The following LSM12 variants were observed in gnomAD, a reference collection of about 807,000 sequenced individuals.
The protein encoded by LSM12 is protein LSM12.
For synonymous variants in LSM12, 74 were observed against 87.3 expected (o/e 0.85, Z 0.85); for missense variants, 108 against 238.9 (o/e 0.45, Z 3.61).
At chr17:44,066,691 G>T, upstream of LSM12, 1 of 1,229,572 alleles carries the variant, frequency 8.1e-7, no homozygotes, top group Non-Finnish European at 1.0e-6. Flanking sequence ...GCGTGCTTGC[G>T]TCACACGCCG....
At position 44,036,286 on chromosome 17, in the gene LSM12, A is replaced by G; in HGVS notation, c.510T>C (p.Phe170=). 1 of 1,614,000 alleles carries G rather than the reference A, an allele frequency of 6.2e-7. No individual in the cohort carries two copies. Residue 170 remains phenylalanine (F), a synonymous_variant, in exon 5 of 5, where the codon TTT becomes TTC. Coordinates refer to ENST00000293406, the MANE Select transcript of LSM12 (RefSeq NM_001371445.1). ...GTATCTTTTGGCTTTCCACGTCTCT[A>G]AAATGTTTTTCAACCTGAAAAAGAC... ...SHVRKIVEKH[F]RDVESQKILQ...
At chr17:44,049,927 C>G (rs532991886) in intron 2 of LSM12, among the ~76,000 whole-genome samples, 2 of 152,254 alleles carry the variant, frequency 1.3e-5, no homozygotes, top group South Asian at 2.1e-4. Context: ...GCTGCCCTCA[C>G]AGAGGGCTTA....
At chr17:44,053,688 C>A (rs548658705) in intron 2 of LSM12, among the ~76,000 whole-genome samples, 1 of 152,174 alleles carries the variant, frequency 6.6e-6, no homozygotes, top group Non-Finnish European at 1.5e-5. Context: ...TGGAAAAACA[C>A]TGCTGTTCTT....
At chr17:44,066,754 G>T, upstream of LSM12, 1 of 867,022 alleles carries the variant, frequency 1.2e-6, no homozygotes, top group Non-Finnish European at 1.5e-6. Flanking sequence ...TGGGAAAGAA[G>T]AGGAAATAAA....
chr17:44,047,572 T>G (rs2049586220), intron 2 of LSM12, among the ~76,000 whole-genome samples: 1 of 151,474 alleles, frequency 6.6e-6, no homozygotes, highest in Non-Finnish European at 1.5e-5. Flanking sequence ...TCATTATTAT[T>G]TTCTTTTTTG....
intron 2 of LSM12, among the ~76,000 whole-genome samples, chr17:44,041,348 CACAG>C (rs1308207222): frequency 2.7e-5 from 4 of 150,314 alleles, no homozygotes; most frequent in East Asian, 2.0e-4. Flanking sequence ...CACACACACA[CACAG>C]AATTTCCATT....
At chr17:44,041,441 A>G (rs934656037) in intron 2 of LSM12, among the ~76,000 whole-genome samples, 3 of 152,096 alleles carry the variant, frequency 2.0e-5, no homozygotes, top group African/African-American at 7.2e-5. Context: ...ACCTTCACAG[A>G]CCACAATCTG....
chr17:44,036,530 T>A (rs1285429426), intron 4 of LSM12, among the ~76,000 whole-genome samples: 1 of 152,148 alleles, frequency 6.6e-6, no homozygotes. Flanking sequence ...AGAAGGTGAA[T>A]CTACAAACTA....
intron 2 of LSM12, among the ~76,000 whole-genome samples, chr17:44,045,013 A>G (rs2049542566): frequency 6.6e-6 from 1 of 152,158 alleles, no homozygotes; most frequent in Admixed American, 6.5e-5. Context: ...AGGGCCACCA[A>G]GATTACTTTT....
At chr17:44,045,959 C>G (rs1227970828) in intron 2 of LSM12, among the ~76,000 whole-genome samples, 1 of 113,356 alleles carries the variant, frequency 8.8e-6, no homozygotes, top group East Asian at 2.8e-4. Flanking sequence ...TTTTTTGAGA[C>G]GGAGTCTCGC....
chr17:44,036,704 G>T (rs1248901240), intron 4 of LSM12, among the ~76,000 whole-genome samples: 1 of 151,584 alleles, frequency 6.6e-6, no homozygotes, highest in African/African-American at 2.4e-5. Context: ...AAAAAAAGCA[G>T]GAGTGTTTTT....
chr17:44,041,324 CACACACACAA>C (rs1363109602), intron 2 of LSM12, among the ~76,000 whole-genome samples: 151 of 145,430 alleles, frequency 1.0e-3, no homozygotes, highest in East Asian at 4.9e-3. Flanking sequence ...CACACACACA[CACACACACAA>C]ACACACACAC....
intron 2 of LSM12, 138 bp from the exon 3 acceptor site, chr17:44,040,394 A>G: frequency 3.1e-6 from 2 of 639,296 alleles, no homozygotes; most frequent in Non-Finnish European, 5.4e-6. Context: ...GAAAAGTGAA[A>G]CAAATTTTAA....
Position 44,052,556 on chromosome 17 carries a change from C to T in LSM12, c.258+11245G>A, listed in dbSNP as rs112903854. ...GGCGGATCATGTGAGGTCAGGAGTT[C>T]GAAACCAGCCTGCCCAACATGGTGA... On this transcript the variant is annotated intron_variant, in intron 2 of 4. Coordinates refer to ENST00000293406, the MANE Select transcript of LSM12 (RefSeq NM_001371445.1). 2.9e-3 allele frequency among the ~76,000 whole-genome samples: 434 copies of T among 152,040 alleles called. 6 individuals carry two copies. Among genetic ancestry groups the T allele is most frequent in the African/African-American group, 9.6e-3 (400 of 41,470 alleles).
intron 2 of LSM12, among the ~76,000 whole-genome samples, chr17:44,052,083 G>A (rs1005570105): frequency 6.6e-6 from 1 of 152,008 alleles, no homozygotes; most frequent in Admixed American, 6.6e-5. Context: ...ACTCCAGCCT[G>A]GGTGACAGCA....
At chr17:44,045,478 G>C (rs1040016198) in intron 2 of LSM12, among the ~76,000 whole-genome samples, 1 of 152,092 alleles carries the variant, frequency 6.6e-6, no homozygotes, top group Non-Finnish European at 1.5e-5. Context: ...TAAATTGCTA[G>C]GAAGCATTCC....
intron 2 of LSM12, among the ~76,000 whole-genome samples, chr17:44,049,753 G>C (rs975047904): frequency 1.3e-5 from 2 of 152,226 alleles, no homozygotes; most frequent in Non-Finnish European, 2.9e-5. Context: ...CACAGGTGCC[G>C]TGGGGAATCC....
At chr17:44,047,010 G>A (rs137948679) in intron 2 of LSM12, among the ~76,000 whole-genome samples, 3,734 of 151,810 alleles carry the variant, frequency 0.025, 141 homozygotes, top group African/African-American at 0.086. Flanking sequence ...GATTACAGGC[G>A]TAAGCCACAG....
chr17:44,059,260 A>G (rs1485560468), intron 2 of LSM12, among the ~76,000 whole-genome samples: 7 of 152,148 alleles, frequency 4.6e-5, no homozygotes, highest in Non-Finnish European at 7.4e-5. Flanking sequence ...TTGCCAAACT[A>G]TGAGTTCCTT....
Sources: gnomAD v4.1 joint callset for allele counts (sites outside exome capture counted in the v4.1 genomes callset) on GRCh38, gnomAD v4.1.1 for gene constraint, MANE v1.5 for transcripts, NCBI Gene and HGNC (gene_info 2026-07-23, HGNC 2026-07-21) for gene names.